Variants in SMPD3 observed in about 807,000 individuals in gnomAD.
SMPD3 encodes the protein sphingomyelin phosphodiesterase 3, also known as nSMase-2.
Under a neutral mutation model 55.7 loss-of-function variants are expected in SMPD3, and 21 were observed. The ratio of observed to expected loss-of-function variants is 0.38; its 90% CI spans 0.27 to 0.54. The LOEUF is 0.54. SMPD3 is among the 20% of genes least tolerant of loss of function. The pLI is 0.80. For synonymous variants in SMPD3, 457 were observed against 404.3 expected (o/e 1.13, Z -1.56); for missense variants, 842 against 899.6 (o/e 0.94, Z 0.82).
At chr16:68,398,932 A>G (rs1466923573) in intron 1 of SMPD3, among the ~76,000 whole-genome samples, 2 of 152,236 alleles carry the variant, frequency 1.3e-5, no homozygotes, top group Non-Finnish European at 2.9e-5. Context: ...CTCCAGGTCA[A>G]GGAAGCCTTT....
intron 1 of SMPD3, among the ~76,000 whole-genome samples, chr16:68,395,849 A>C (rs577924616): frequency 1.3e-5 from 2 of 152,360 alleles, no homozygotes; most frequent in East Asian, 3.9e-4. Flanking sequence ...AAAATGAGGA[A>C]TATATCAAAC....
intron 1 of SMPD3, among the ~76,000 whole-genome samples, chr16:68,418,668 C>T (rs1292956058): frequency 2.0e-5 from 3 of 152,228 alleles, no homozygotes; most frequent in Admixed American, 6.5e-5. Context: ...ATATACCACA[C>T]GTTACCTTGC....
At chr16:68,380,568 C>T (rs1054258831) in intron 2 of SMPD3, among the ~76,000 whole-genome samples, 4 of 143,242 alleles carry the variant, frequency 2.8e-5, no homozygotes, top group African/African-American at 6.0e-5. Context: ...GGCTGACCAG[C>T]GCCACCTGCA....
At chr16:68,445,299 G>T (rs1005414580) in intron 1 of SMPD3, among the ~76,000 whole-genome samples, 3 of 152,170 alleles carry the variant, frequency 2.0e-5, no homozygotes, top group Non-Finnish European at 4.4e-5. Context: ...GGTAGAGGTA[G>T]AGACAGGAGA....
Position 68,363,515 on chromosome 16 carries a change from T to C in SMPD3, c.1690A>G (p.Thr564Ala). ...GCTTACTTCTGCAGGTTGTCGGGGGTGCACACATCCTCATCGTACAGGCCG... is the reference window on the plus strand; with the variant it reads ...GCTTACTTCTGCAGGTTGTCGGGGGCGCACACATCCTCATCGTACAGGCCG... ...TNGLYDEDVC[T>A]PDNLQKVLES... The change falls in exon 7 of 9, where the codon ACC becomes GCC. Residue 564 changes from threonine to alanine, a missense_variant. Physicochemically the swap from Thr to Ala is moderately conservative, Grantham distance 58. Coordinates refer to ENST00000219334, the MANE Select transcript of SMPD3 (RefSeq NM_018667.4). 1.2e-6 allele frequency: 2 copies of C among 1,613,932 alleles called. No homozygotes were observed. The highest frequency in any genetic ancestry group is 1.7e-6 in the Non-Finnish European group (2 of 1,180,000).
chr16:68,401,587 T>C (rs114812777), intron 1 of SMPD3, among the ~76,000 whole-genome samples: 2 of 152,184 alleles, frequency 1.3e-5, no homozygotes, highest in African/African-American at 4.8e-5. Flanking sequence ...AGAATCTCCC[T>C]GAATCCTGGC....
At chr16:68,364,436 C>T (rs919520030) in intron 5 of SMPD3, 4 of 309,936 alleles carry the variant, frequency 1.3e-5, no homozygotes, top group East Asian at 6.5e-5. Context: ...GCAGCTGGCT[C>T]GAAGCAAGAG....
At chr16:68,446,674 C>G (rs1248020332) in intron 1 of SMPD3, among the ~76,000 whole-genome samples, 4 of 152,180 alleles carry the variant, frequency 2.6e-5, no homozygotes. Flanking sequence ...CTCCCCAGAA[C>G]CAAATTTGAC....
intron 1 of SMPD3, among the ~76,000 whole-genome samples, chr16:68,395,990 C>T (rs752311558): frequency 2.0e-5 from 3 of 152,160 alleles, no homozygotes; most frequent in Non-Finnish European, 2.9e-5. Flanking sequence ...CTGGCCTGGG[C>T]GGCCCAGCCC....
chr16:68,435,857 G>A (rs1427554918), intron 1 of SMPD3, among the ~76,000 whole-genome samples: 1 of 152,218 alleles, frequency 6.6e-6, no homozygotes, highest in Non-Finnish European at 1.5e-5. Flanking sequence ...CCTGGCTACT[G>A]GGGAGGGTGG....
Position 68,434,990 on chromosome 16 carries a change from T to C in SMPD3, c.-269+13363A>G, listed in dbSNP as rs147622924. On this transcript the variant is annotated intron_variant, in intron 1 of 8. Coordinates refer to ENST00000219334, the MANE Select transcript of SMPD3 (RefSeq NM_018667.4). ...TCCTAGGAGGTGCCCCAGTGCTTCC[T>C]GCAAGATGAAGGGATTGTCCAGGCC... is the stretch of plus-strand genomic sequence containing the variant. Among the ~76,000 whole-genome samples the C allele has an allele frequency of 9.8e-5, 15 of 152,310 alleles. No individual in the cohort carries two copies. The East Asian group carries it at 2.9e-3, about 29-fold the overall frequency.
rs543177960 is a variant in SMPD3 at position 68,444,063 on chromosome 16, A to T, written c.-269+4290T>A. Among the ~76,000 whole-genome samples the T allele has an allele frequency of 5.1e-4, 78 of 152,342 alleles. No individual in the cohort carries two copies. The South Asian group carries it at 5.6e-3, about 11-fold the overall frequency. On this transcript the variant is annotated intron_variant, in intron 1 of 8. Coordinates refer to ENST00000219334, the MANE Select transcript of SMPD3 (RefSeq NM_018667.4). Reference sequence around the variant, plus strand: ...CCTCTTATTAGCTCATAATTCTTTAAACAGGGATTGCTGATGAGTTTGTTC... The same window carrying T: ...CCTCTTATTAGCTCATAATTCTTTATACAGGGATTGCTGATGAGTTTGTTC...
At chr16:68,409,851 C>T (rs1315760066) in intron 1 of SMPD3, among the ~76,000 whole-genome samples, 3 of 152,256 alleles carry the variant, frequency 2.0e-5, no homozygotes, top group Non-Finnish European at 4.4e-5. Context: ...CTCAGCTTCC[C>T]AAAGTGCTGG....
intron 1 of SMPD3, among the ~76,000 whole-genome samples, chr16:68,411,349 A>G (rs1326719477): frequency 6.6e-6 from 1 of 152,204 alleles, no homozygotes; most frequent in African/African-American, 2.4e-5. Flanking sequence ...GCCTGGCCAG[A>G]GCTGGTGTCT....
intron 1 of SMPD3, among the ~76,000 whole-genome samples, chr16:68,421,527 C>A (rs1019295411): frequency 1.3e-5 from 2 of 152,194 alleles, no homozygotes; most frequent in Admixed American, 1.3e-4. Flanking sequence ...AGACTTATGA[C>A]CAACCTGGCA....
At chr16:68,380,967 A>C (rs1346857784) in intron 2 of SMPD3, among the ~76,000 whole-genome samples, 1 of 152,278 alleles carries the variant, frequency 6.6e-6, no homozygotes, top group African/African-American at 2.4e-5. Flanking sequence ...AAAACAGAAC[A>C]GACGGGCTAA....
intron 1 of SMPD3, among the ~76,000 whole-genome samples, chr16:68,431,751 G>T (rs1382741725): frequency 2.0e-5 from 3 of 152,098 alleles, no homozygotes; most frequent in Non-Finnish European, 4.4e-5. Context: ...ATGAAAACTT[G>T]TCTCTACTAA....
At chr16:68,368,359 T>G (rs2089548852) in intron 3 of SMPD3, 1 of 151,992 alleles carries the variant, frequency 6.6e-6, no homozygotes. Flanking sequence ...CGGGAGGTGG[T>G]ACAAGGTGAC....
At chr16:68,412,545 C>G (rs766257161) in intron 1 of SMPD3, among the ~76,000 whole-genome samples, 2 of 152,250 alleles carry the variant, frequency 1.3e-5, no homozygotes, top group Non-Finnish European at 2.9e-5. Context: ...CACCTGTAGG[C>G]AGAGGCCCTC....
Sources: allele counts gnomAD v4.1 joint callset (sites outside exome capture counted in the v4.1 genomes callset), GRCh38; gene constraint gnomAD v4.1.1; transcripts MANE v1.5; gene names NCBI Gene and HGNC (gene_info 2026-07-23, HGNC 2026-07-21).